Variants in COL4A2 observed in about 807,000 individuals in gnomAD.
COL4A2 encodes collagen alpha-2(IV) chain.
COL4A2 carries 99 observed loss-of-function variants against 200.2 expected under a neutral mutation model. The ratio of observed to expected loss-of-function variants is 0.49; its 90% CI spans 0.42 to 0.58. The LOEUF is 0.58. COL4A2 is among the 20% of genes least tolerant of loss of function. The probability of loss-of-function intolerance (pLI) is 0.00; values close to 1 mark genes in which losing one functional copy is unlikely to be tolerated. For synonymous variants in COL4A2, 897 were observed against 900.6 expected, an observed-to-expected ratio of 1.00 and a Z score of 0.07; for missense variants, 1,950 against 2,314.1, an observed-to-expected ratio of 0.84 and a Z score of 3.23.
At chr13:110,433,271 G>GC (rs899397632) in intron 11 of COL4A2, among the ~76,000 whole-genome samples, 3 of 152,268 alleles carry the variant, frequency 2.0e-5, no homozygotes, top group African/African-American at 7.2e-5. Flanking sequence ...TGGGCCCCAG[G>GC]CCAAGAGCAG....
intron 11 of COL4A2, among the ~76,000 whole-genome samples, chr13:110,433,118 G>A (rs946819185): frequency 2.0e-5 from 3 of 152,248 alleles, no homozygotes; most frequent in Non-Finnish European, 4.4e-5. Context: ...ACGTTGCCAT[G>A]CCTGCCCATT....
At chr13:110,449,628 G>A (rs571331921) in intron 18 of COL4A2, 51 bp from the exon 19 acceptor site, 28 of 1,489,748 alleles carry the variant, frequency 1.9e-5, no homozygotes, top group African/African-American at 1.1e-4. Context: ...CGCCAGCTGC[G>A]ATCCGTAGAC....
intron 4 of COL4A2, among the ~76,000 whole-genome samples, chr13:110,403,632 C>T (rs1245650608): frequency 1.3e-5 from 2 of 152,162 alleles, no homozygotes; most frequent in Non-Finnish European, 2.9e-5. Context: ...CTTATGAGCC[C>T]TCGTCAGAAT....
chr13:110,317,042 A>G (rs1188529955), intron 3 of COL4A2, among the ~76,000 whole-genome samples: 1 of 150,158 alleles, frequency 6.7e-6, no homozygotes, highest in African/African-American at 2.5e-5. Context: ...ACATACATGC[A>G]TGCACATAGA....
chr13:110,509,245 T>TTATATATA (rs374846915), intron 47 of COL4A2, among the ~76,000 whole-genome samples: 4,411 of 71,196 alleles, frequency 0.062, 138 homozygotes, highest in Non-Finnish European at 0.073. Flanking sequence ...ATTTCATAAA[T>TTATATATA]TATATATATA....
Position 110,432,357 on chromosome 13 carries a change from G to T in COL4A2, c.681G>T (p.Gln227His). 6.2e-7 allele frequency: 1 copy of T among 1,609,404 alleles called. No individual in the cohort carries two copies. Residue 227 changes from glutamine (Q) to histidine (H), a missense_variant, in exon 11 of 48, where the codon CAG (glutamine) becomes CAT (histidine). Gln to His is a conservative substitution (Grantham distance 24). Coordinates refer to ENST00000360467, the MANE Select transcript of COL4A2 (RefSeq NM_001846.4). ...CTGGACCCCCTGGACCAAAAGGACA[G>T]CAAGTAAGTTGGTTTTGGGGGGTGA... ...GPPGPPGPKG[Q>H]QGNRGLGFYG...
In COL4A2 at chr13:110,307,634, G is replaced by A. The variant is rs912646163; in HGVS notation, c.-45+106G>A. 1.8e-6 allele frequency: 1 copy of A among 554,598 alleles called. No individual in the cohort carries two copies. The highest frequency in any genetic ancestry group is 3.4e-5 in the Admixed American group (1 of 29,232). The allele number at this position is 554,598 out of a possible 1,614,324, so 34.4% of individuals were successfully genotyped here. On this transcript the variant is annotated intron_variant, in intron 1 of 47. Coordinates refer to ENST00000360467, the MANE Select transcript of COL4A2 (RefSeq NM_001846.4). This position sits in a 1 kb window ranked among gnomAD's most constrained non-coding sequence, Gnocchi z 5.0. ...CGCTCTCCTGCTTGGGAGTAGAAAG[G>A]GGGAGGGTGGGAGAGCGAAGACCGA...
intron 20 of COL4A2, chr13:110,456,813 G>T (rs1881753801): frequency 2.1e-6 from 1 of 474,808 alleles, no homozygotes; most frequent in Non-Finnish European, 4.3e-6. Context: ...TGGTGCCGAT[G>T]CCCTGCGTCT....
At chr13:110,423,849 C>G (rs1880354372) in intron 4 of COL4A2, among the ~76,000 whole-genome samples, 1 of 152,206 alleles carries the variant, frequency 6.6e-6, no homozygotes, top group African/African-American at 2.4e-5. Context: ...TCATTTCACT[C>G]AGCACAGAGT....
At chr13:110,505,213 G>C (rs952118504) in intron 45 of COL4A2, among the ~76,000 whole-genome samples, 1 of 152,050 alleles carries the variant, frequency 6.6e-6, no homozygotes, top group Non-Finnish European at 1.5e-5. Flanking sequence ...AGCCGGGCGT[G>C]GTGGCGGGCG....
intron 3 of COL4A2, among the ~76,000 whole-genome samples, chr13:110,345,404 G>T (rs927562887): frequency 6.6e-6 from 1 of 152,146 alleles, no homozygotes. Flanking sequence ...AACCCCAGTC[G>T]GCGGGTCTCA....
rs1879669387 is a variant in COL4A2 at position 110,408,625 on chromosome 13, T to C, written c.181-16109T>C. Among the ~76,000 whole-genome samples the C allele has an allele frequency of 3.9e-5, 6 of 152,140 alleles. 1 individual carries two copies. The highest frequency in any genetic ancestry group is 3.9e-4 in the Admixed American group (6 of 15,290). ...ATCCTTTAGGAGTGAGGAAGCGGGA[T>C]GCGCTGGTGTGGAAGGCCTTTCATA... On this transcript the variant is annotated intron_variant, in intron 4 of 47. Coordinates refer to ENST00000360467, the MANE Select transcript of COL4A2 (RefSeq NM_001846.4).
At chr13:110,356,320 G>A (rs761939873) in intron 3 of COL4A2, among the ~76,000 whole-genome samples, 8 of 152,152 alleles carry the variant, frequency 5.3e-5, no homozygotes, top group Non-Finnish European at 1.2e-4. Context: ...CTGAGCATAA[G>A]TGTGTCCCGT....
chr13:110,416,561 A>T (rs1420612202), intron 4 of COL4A2, among the ~76,000 whole-genome samples: 1 of 152,248 alleles, frequency 6.6e-6, no homozygotes, highest in Non-Finnish European at 1.5e-5. Context: ...GCTAAAAGCC[A>T]TTGAGCACAA....
rs267603754 is a variant in COL4A2 at position 110,428,537 on chromosome 13, C to T, written c.431C>T (p.Ser144Leu). The change falls in exon 7 of 48, where the codon TCA becomes TTA. Residue 144 changes from serine to leucine, a missense_variant. By Grantham distance (145) the Ser-to-Leu change is moderately radical. This residue lies in a region of COL4A2 where 565 missense variants were observed against 593.5 expected (regional missense o/e 0.95). Transcript: ENST00000360467. ...GGCTGCAACGGAACCCAGGGAGACT[C>T]AGGTCCACAGGGGCCCCCCGGCTCT... is the stretch of plus-strand genomic sequence containing the variant. ...YDGCNGTQGD[S>L]GPQGPPGSEG... The T allele has an allele frequency of 1.3e-6, 2 of 1,580,562 alleles. No individual in the cohort carries two copies. The highest frequency in any genetic ancestry group is 1.7e-6 in the Non-Finnish European group (2 of 1,167,910).
chr13:110,332,471 C>T (rs886097588), intron 3 of COL4A2, among the ~76,000 whole-genome samples: 25 of 152,292 alleles, frequency 1.6e-4, no homozygotes, highest in African/African-American at 4.8e-4. Flanking sequence ...AACACAAGTT[C>T]GTTCTCCTGT....
intron 3 of COL4A2, among the ~76,000 whole-genome samples, chr13:110,347,039 G>A (rs1456371382): frequency 4.6e-5 from 7 of 152,222 alleles, no homozygotes; most frequent in Non-Finnish European, 8.8e-5. Flanking sequence ...GTGAGAGGGC[G>A]CATCTCAGCC....
chr13:110,509,270 T>TACACACACAC (rs60333796), intron 47 of COL4A2, among the ~76,000 whole-genome samples: 40 of 115,578 alleles, frequency 3.5e-4, no homozygotes, highest in African/African-American at 1.3e-3. Flanking sequence ...TATATATATA[T>TACACACACAC]ACACACACAC....
Position 110,478,078 on chromosome 13 carries a change from T to C in COL4A2, c.2501T>C (p.Leu834Pro), listed in dbSNP as rs749734117. Residue 834 changes from leucine to proline, a missense_variant, in exon 30 of 48, where the codon CTG becomes CCG. By Grantham distance (98) the Leu-to-Pro change is moderately conservative. This residue lies in a region of COL4A2 where 1,385 missense variants were observed against 1,720.5 expected (regional missense o/e 0.80). Transcript: ENST00000360467. ...CCAGGACCTTCCGGCCAGCCAGGCCTGTATGGGCCTCCAGGACTGCATGGA... is the reference window on the plus strand; with the variant it reads ...CCAGGACCTTCCGGCCAGCCAGGCCCGTATGGGCCTCCAGGACTGCATGGA... ...GLPGPSGQPG[L>P]YGPPGLHGFP... 2.5e-6 allele frequency: 4 copies of C among 1,609,152 alleles called. No homozygotes were observed. The highest frequency in any genetic ancestry group is 3.4e-6 in the Non-Finnish European group (4 of 1,177,268).
Sources: gnomAD v4.1 joint callset for allele counts (sites outside exome capture counted in the v4.1 genomes callset) on GRCh38, gnomAD v4.1.1 for gene constraint, gnomAD v4.1.1 regional missense constraint, Gnocchi (gnomAD v3.1) non-coding constraint, MANE v1.5 for transcripts, NCBI Gene and HGNC (gene_info 2026-07-23, HGNC 2026-07-21) for gene names.